Variants in TTLL4 observed in about 807,000 individuals in gnomAD.
The protein encoded by TTLL4 is tubulin tyrosine ligase like 4.
Under a neutral mutation model 122.7 loss-of-function variants are expected in TTLL4, and 85 were observed. The observed-to-expected ratio is 0.69, with a 90% confidence interval of 0.58 to 0.83. TTLL4 has a LOEUF of 0.83. Ranked by LOEUF, TTLL4 falls within the 40% of genes least tolerant of loss-of-function variation. The pLI is 0.00. For missense variants in TTLL4, 1,363 were observed against 1,488.6 expected (o/e 0.92, Z 1.39); for synonymous variants, 553 against 563.0 (o/e 0.98, Z 0.25).
intron 1 of TTLL4, among the ~76,000 whole-genome samples, chr2:218,726,759 G>T (rs145748814): frequency 6.6e-6 from 1 of 151,500 alleles, no homozygotes; most frequent in Non-Finnish European, 1.5e-5. Flanking sequence ...GAGCCACCAC[G>T]CCTGGCCTCT....
chr2:218,748,762 T>G (rs1942931566), intron 12 of TTLL4, 74 bp from the exon 13 acceptor site: 1 of 1,362,214 alleles, frequency 7.3e-7, no homozygotes, highest in African/African-American at 1.4e-5. Context: ...ATTAGGTCTC[T>G]TCTTCGTTTT....
At chr2:218,752,711 C>A (rs1943053774) in intron 16 of TTLL4, 52 bp from the exon 17 acceptor site, 3 of 1,598,194 alleles carry the variant, frequency 1.9e-6, no homozygotes, top group South Asian at 2.2e-5. Context: ...GAGTCTCTGC[C>A]CCTGGCTTAC....
chr2:218,750,011 T>A lies in TTLL4; in HGVS notation c.2738T>A (p.Leu913His). 6.2e-7 allele frequency: 1 copy of A among 1,613,940 alleles called. No individual in the cohort carries two copies. The highest frequency in any genetic ancestry group is 1.1e-5 in the South Asian group (1 of 91,058). Residue 913 changes from leucine (L) to histidine (H), a missense_variant and splice_region_variant, in exon 15 of 20, where the codon CTC (leucine) becomes CAC (histidine). By Grantham distance (99) the Leu-to-His change is moderately conservative. Around this residue, in one of 3 missense-constraint regions of TTLL4, gnomAD observed 596 missense variants for 655.8 expected, o/e 0.91. Transcript: ENST00000392102. The part of the protein sequence containing the change: ...WVLEVNISPS[L>H]HSSSPLDISI... The stretch of plus-strand genomic sequence containing the variant: ...CTCTTTTTATCCTTTTTCTGAAGCC[T>A]CCACTCCAGCTCTCCACTGGATATC...
chr2:218,745,164 C>A lies in TTLL4; in HGVS notation c.1717C>A (p.Pro573Thr). Reference protein sequence around the residue: ...PLSNHEKVVRPALIYSLFPNV... With the variant: ...PLSNHEKVVRTALIYSLFPNV... ...TTCCAATCATGAGAAAGTTGTCCGA[C>A]CAGCCCTCATCTACAGTCTCTTTCC... The change falls in exon 6 of 20, where the codon CCA (proline) becomes ACA (threonine). Residue 573 changes from proline to threonine, a missense_variant. Pro to Thr is a conservative substitution (Grantham distance 38). Coordinates refer to ENST00000392102, the MANE Select transcript of TTLL4 (RefSeq NM_014640.5). 6.2e-7 allele frequency: 1 copy of A among 1,614,136 alleles called. No homozygotes were observed. Among genetic ancestry groups the A allele is most frequent in the South Asian group, 1.1e-5 (1 of 91,084 alleles).
intron 1 of TTLL4, among the ~76,000 whole-genome samples, chr2:218,715,865 C>T (rs1471285463): frequency 1.3e-5 from 2 of 152,148 alleles, no homozygotes; most frequent in East Asian, 1.9e-4. Context: ...CTCCTGACCT[C>T]GTGATCCACC....
intron 13 of TTLL4, 44 bp downstream of exon 13, chr2:218,748,978 C>A (rs1166558848): frequency 6.3e-7 from 1 of 1,591,270 alleles, no homozygotes; most frequent in Admixed American, 1.7e-5. Context: ...GCTGCTGACC[C>A]CCTCCTTTCT....
chr2:218,759,380 G>C (rs944570325), downstream of TTLL4, among the ~76,000 whole-genome samples: 4 of 152,212 alleles, frequency 2.6e-5, no homozygotes, highest in Non-Finnish European at 5.9e-5. Context: ...GTGGGACCCT[G>C]TTTCTACAAA....
At chr2:218,755,423 CTGAG>C (rs1425524773), downstream of TTLL4, 2 of 152,138 alleles carry the variant, frequency 1.3e-5, no homozygotes, top group African/African-American at 4.8e-5. Flanking sequence ...TAAATGTTGA[CTGAG>C]TGAACTGTAT....
rs114784875 is a variant in TTLL4, at chr2:218,737,533, G to A, written c.-98-46G>A. Reference sequence around the variant, plus strand: ...TGAGGACCACTGTAGCATGGTGTCCGTTCTCCTGGCACTGTAACATTTCCT... The same window carrying A: ...TGAGGACCACTGTAGCATGGTGTCCATTCTCCTGGCACTGTAACATTTCCT... On this transcript the variant is annotated intron_variant, in intron 2 of 19. Coordinates refer to ENST00000392102, the MANE Select transcript of TTLL4 (RefSeq NM_014640.5). The A allele has an allele frequency of 2.8e-3, 2,863 of 1,013,608 alleles. 49 individuals are homozygous for A. The African/African-American group carries it at 0.041, about 14-fold the overall frequency. 62.8% of individuals were successfully genotyped at this position (1,013,608 alleles called of 1,614,324 possible).
In TTLL4 at chr2:218,740,379, G is replaced by A. The variant is rs78092351; in HGVS notation, c.1598-142G>A. Reference sequence around the variant, plus strand: ...CCTTCCCGCTGCTTCTGTTGAGGAAGGCAGTGCAAAGCAGCGGGGTGGTGC... The same window carrying A: ...CCTTCCCGCTGCTTCTGTTGAGGAAAGCAGTGCAAAGCAGCGGGGTGGTGC... On this transcript the variant is annotated intron_variant, in intron 4 of 19. Coordinates refer to ENST00000392102, the MANE Select transcript of TTLL4 (RefSeq NM_014640.5). The A allele has an allele frequency of 1.0e-5, 10 of 962,078 alleles. No individual in the cohort carries two copies. The East Asian group carries it at 2.5e-4, about 24-fold the overall frequency. The allele number at this position is 962,078 out of a possible 1,614,324, so 59.6% of individuals were successfully genotyped here. A position where few individuals can be genotyped will look rare whatever the true frequency, so the allele number is the denominator to read the frequency against.
rs542435569 is a variant in TTLL4 at position 218,719,774 on chromosome 2, G to C, written c.-177-7495G>C. On this transcript the variant is annotated intron_variant, in intron 1 of 19. Transcript: ENST00000392102. ...TGCAGGTGGGCCACCACAGTGTTTA[G>C]TAAGTGCTCATGGACCGTTTTTGAA... Among the ~76,000 whole-genome samples, 396 of 152,308 alleles carry C rather than the reference G, an allele frequency of 2.6e-3. 4 individuals are homozygous for C. Among genetic ancestry groups the C allele is most frequent in the Non-Finnish European group, 4.6e-3 (316 of 68,042 alleles).
Position 218,745,788 on chromosome 2 carries a change from C to T in TTLL4, c.1884C>T (p.Phe628=). Residue 628 remains phenylalanine (F), a synonymous_variant, in exon 7 of 20, where the codon TTC becomes TTT. Transcript: ENST00000392102. ...IVKQTIGRSH[F]KISKRNDDWL... is the part of the protein sequence containing the mutation. ...AGCAGACCATTGGACGGTCCCACTT[C>T]AAAATCAGCAAAAGTGAGTTGCTTG... 1 of 1,613,044 alleles carries T rather than the reference C, an allele frequency of 6.2e-7. No individual in the cohort carries two copies. Among genetic ancestry groups the T allele is most frequent in the Non-Finnish European group, 8.5e-7 (1 of 1,179,540 alleles).
intron 2 of TTLL4, among the ~76,000 whole-genome samples, chr2:218,731,072 G>A (rs116166188): frequency 0.012 from 1,848 of 151,596 alleles, 37 homozygotes; most frequent in African/African-American, 0.042. Context: ...TGACTACACC[G>A]CTGCACTCCA....
At chr2:218,746,376 C>T (rs760231438) in intron 8 of TTLL4, 145 bp downstream of exon 8, 24 of 800,620 alleles carry the variant, frequency 3.0e-5, no homozygotes, top group African/African-American at 8.5e-5. Context: ...AAGTACAGGA[C>T]GGGGGTACAG....
At chr2:218,726,812 C>T (rs1559360419) in intron 1 of TTLL4, among the ~76,000 whole-genome samples, 2 of 141,578 alleles carry the variant, frequency 1.4e-5, no homozygotes, top group African/African-American at 5.2e-5. Context: ...TTCTTTCTTT[C>T]TTTTTTTTTT....
rs141407824 is a variant in TTLL4, at chr2:218,717,766, C to T, written c.-178+6729C>T. 2.0e-4 allele frequency among the ~76,000 whole-genome samples: 30 copies of T among 151,550 alleles called. 2 individuals are homozygous for T. In the East Asian group the frequency reaches 5.6e-3, roughly 28 times the overall value. ...ATTAATGTGATTCCTACACTCCTCTCTATTTGGTTCCAGGCAAGTCAGTTC... is the reference window on the plus strand; with the variant it reads ...ATTAATGTGATTCCTACACTCCTCTTTATTTGGTTCCAGGCAAGTCAGTTC... On this transcript the variant is annotated intron_variant, in intron 1 of 19. Coordinates refer to ENST00000392102, the MANE Select transcript of TTLL4 (RefSeq NM_014640.5).
At chr2:218,732,743 G>T (rs1942415166) in intron 2 of TTLL4, among the ~76,000 whole-genome samples, 1 of 152,192 alleles carries the variant, frequency 6.6e-6, no homozygotes, top group African/African-American at 2.4e-5. Context: ...ATGACCTGTG[G>T]CAGTGATTGG....
At chr2:218,718,510 C>A (rs1941935642) in intron 1 of TTLL4, among the ~76,000 whole-genome samples, 1 of 152,032 alleles carries the variant, frequency 6.6e-6, no homozygotes, top group Admixed American at 6.5e-5. Flanking sequence ...TCCCAAGTAG[C>A]TGGGATTACA....
At chr2:218,740,414 C>T in intron 4 of TTLL4, 107 bp from the exon 5 acceptor site, 2 of 1,262,182 alleles carry the variant, frequency 1.6e-6, no homozygotes, top group African/African-American at 1.5e-5. Flanking sequence ...CTTGTGGCTC[C>T]CCAAGAAGGG....
Sources: gnomAD v4.1 joint callset for allele counts (sites outside exome capture counted in the v4.1 genomes callset) on GRCh38, gnomAD v4.1.1 for gene constraint, gnomAD v4.1.1 regional missense constraint, MANE v1.5 for transcripts, NCBI Gene and HGNC (gene_info 2026-07-23, HGNC 2026-07-21) for gene names.